Variants in OCRL observed in about 807,000 individuals in gnomAD.
The protein encoded by OCRL is inositol polyphosphate 5-phosphatase OCRL.
A neutral mutation model predicts 78.9 loss-of-function variants in OCRL; 8 were observed. The ratio of observed to expected loss-of-function variants is 0.10; its 90% CI spans 0.06 to 0.18. OCRL has a LOEUF of 0.18. Ranked by LOEUF, OCRL falls within the 10% of genes least tolerant of loss-of-function variation. The pLI, the probability that OCRL is intolerant of heterozygous loss-of-function variation, is 1.00. For missense variants in OCRL, 454 were observed against 696.7 expected, an observed-to-expected ratio of 0.65 and a Z score of 3.92; for synonymous variants, 240 against 235.4, an observed-to-expected ratio of 1.02 and a Z score of -0.18.
Position 129,540,353 on chromosome X carries a change from C to G in OCRL, c.-87C>G. 9.9e-7 allele frequency: 1 copy of G among 1,009,273 alleles called. No homozygotes were observed. The highest frequency in any genetic ancestry group is 3.4e-5 in the East Asian group (1 of 29,847). 83.2% of individuals were successfully genotyped at this position (1,009,273 alleles called of 1,213,427 possible). On this transcript the variant is annotated 5_prime_UTR_variant, in exon 1 of 24. Transcript: ENST00000371113. ...AGCTGTTCCTCAAACGACACGCAGC[C>G]GAGGTGGGTGGGTGTGGGGACGCGG...
intron 17 of OCRL, 66 bp downstream of exon 17, chrX:129,576,128 TTC>T: frequency 9.1e-7 from 1 of 1,101,994 alleles, no homozygotes; most frequent in Non-Finnish European, 1.3e-6. Context: ...TGGTTTAACT[TTC>T]TGTTTTCTAA....
At chrX:129,578,586 A>G (rs1038851138) in intron 18 of OCRL, among the ~76,000 whole-genome samples, 1 of 110,700 alleles carries the variant, frequency 9.0e-6, no homozygotes, top group Non-Finnish European at 1.9e-5. Context: ...CTGCAAAGCC[A>G]TTAATATGAA....
chrX:129,562,557 G>T (rs778828807), intron 11 of OCRL, 42 bp from the exon 12 acceptor site: 1 of 1,195,173 alleles, frequency 8.4e-7, no homozygotes, highest in East Asian at 3.0e-5. Context: ...AAGTTCAGTT[G>T]CTTGTTCTGT....
At chrX:129,578,052 T>C (rs1936395080) in intron 18 of OCRL, among the ~76,000 whole-genome samples, 1 of 111,551 alleles carries the variant, frequency 9.0e-6, no homozygotes, top group South Asian at 3.7e-4. Context: ...CTTCTGTACA[T>C]ATATACACAC....
chrX:129,579,392 T>G (rs1243809427), intron 18 of OCRL, among the ~76,000 whole-genome samples: 3 of 111,647 alleles, frequency 2.7e-5, no homozygotes, highest in South Asian at 7.6e-4. Flanking sequence ...CTGTTAATAA[T>G]GGTACCTGCC....
At chrX:129,568,279 T>C (rs758887826) in intron 14 of OCRL, among the ~76,000 whole-genome samples, 128 of 112,062 alleles carry the variant, frequency 1.1e-3, no homozygotes, top group Non-Finnish European at 1.4e-3. Context: ...TTAGTGAGTA[T>C]TTGTCCTCTA....
chrX:129,580,866 ATTTAT>A (rs1936429763), intron 18 of OCRL, among the ~76,000 whole-genome samples: 1 of 110,947 alleles, frequency 9.0e-6, no homozygotes, highest in African/African-American at 3.3e-5. Context: ...GTTTTCGGCT[ATTTAT>A]TTATTTATTT....
chrX:129,566,533 A>G (rs1352833956), intron 13 of OCRL, among the ~76,000 whole-genome samples: 2 of 112,609 alleles, frequency 1.8e-5, no homozygotes, highest in African/African-American at 6.5e-5. Context: ...TGTGACTTGA[A>G]TTTTTACTTC....
chrX:129,569,421 C>A, intron 15 of OCRL, 22 bp downstream of exon 15: 1 of 1,194,613 alleles, frequency 8.4e-7, no homozygotes, highest in South Asian at 1.8e-5. Flanking sequence ...TTTGTACATT[C>A]ATTTATTTGT....
intron 15 of OCRL, among the ~76,000 whole-genome samples, chrX:129,570,897 G>T (rs1819453871): frequency 8.9e-6 from 1 of 112,578 alleles, no homozygotes; most frequent in Admixed American, 9.4e-5. Flanking sequence ...CCAACTGTGG[G>T]ACTTGAGTAT....
At chrX:129,573,639 C>T (rs1163563229) in intron 15 of OCRL, among the ~76,000 whole-genome samples, 1 of 111,736 alleles carries the variant, frequency 8.9e-6, no homozygotes, top group Non-Finnish European at 1.9e-5. Context: ...ACTTCAACCT[C>T]CGCCTCCCGG....
chrX:129,555,072 A>C (rs2124398889), intron 4 of OCRL, among the ~76,000 whole-genome samples: 1 of 110,915 alleles, frequency 9.0e-6, no homozygotes, highest in Non-Finnish European at 1.9e-5. Context: ...TCTGAATTTT[A>C]ATGTGCACAT....
rs375986052 is a variant in OCRL, at chrX:129,586,832, C to T, written c.2140-170C>T. On this transcript the variant is annotated intron_variant, in intron 19 of 23. Coordinates refer to ENST00000371113, the MANE Select transcript of OCRL (RefSeq NM_000276.4). ...AAGGACATCCTTTAACTATGGGACT[C>T]GCTATCAAGTGCCTTCTGACCAGGA... 3.4e-5 allele frequency: 19 copies of T among 555,657 alleles called. No individual in the cohort carries two copies. In the East Asian group the frequency reaches 4.3e-4, roughly 13 times the overall value. The allele number at this position is 555,657 out of a possible 1,213,427, so 45.8% of individuals were successfully genotyped here. A position where few individuals can be genotyped will look rare whatever the true frequency, so the allele number is the denominator to read the frequency against.
At chrX:129,569,426 A>G in intron 15 of OCRL, 27 bp downstream of exon 15, 1 of 1,188,248 alleles carries the variant, frequency 8.4e-7, no homozygotes, top group Non-Finnish European at 1.1e-6. Context: ...ACATTCATTT[A>G]TTTGTGTGTT....
At chrX:129,559,271 TTA>T (rs1390435761) in intron 8 of OCRL, among the ~76,000 whole-genome samples, 2 of 111,374 alleles carry the variant, frequency 1.8e-5, no homozygotes, top group African/African-American at 6.5e-5. Context: ...AGATCATGGC[TTA>T]CTGTAGCCTC....
At chrX:129,589,574 AC>A (rs756500027) in intron 22 of OCRL, 4 of 383,334 alleles carry the variant, frequency 1.0e-5, no homozygotes, top group Non-Finnish European at 1.8e-5. Flanking sequence ...ATGAACACTG[AC>A]CTATTGTGAG....
rs751444139 is a variant in OCRL at position 129,565,598 on chromosome X, C to G, written c.1245-174C>G. Among the ~76,000 whole-genome samples the G allele has an allele frequency of 2.7e-5, 3 of 112,302 alleles. No homozygotes were observed. The East Asian group carries it at 8.4e-4, about 31-fold the overall frequency. On this transcript the variant is annotated intron_variant, in intron 12 of 23. Transcript: ENST00000371113. ...CTACCTATTTTGTAATCCATTGTCT[C>G]TCTCAGGTGTTGATAGTAGTTGCCC...
At chrX:129,554,681 C>G (rs865915509) in intron 4 of OCRL, among the ~76,000 whole-genome samples, 1 of 111,743 alleles carries the variant, frequency 8.9e-6, no homozygotes, top group Non-Finnish European at 1.9e-5. Flanking sequence ...AGGCCAGGCC[C>G]GGTGGCTTAC....
At chrX:129,581,727 G>A (rs868836739) in intron 18 of OCRL, among the ~76,000 whole-genome samples, 1 of 92,472 alleles carries the variant, frequency 1.1e-5, no homozygotes, top group Non-Finnish European at 2.1e-5. Flanking sequence ...ACACACACCT[G>A]TGTGTGTGTG....
Sources: gnomAD v4.1 joint callset for allele counts (sites outside exome capture counted in the v4.1 genomes callset) on GRCh38, gnomAD v4.1.1 for gene constraint, MANE v1.5 for transcripts, NCBI Gene and HGNC (gene_info 2026-07-23, HGNC 2026-07-21) for gene names.